Variants in SPDYE4 observed in about 807,000 individuals in gnomAD.
SPDYE4 encodes speedy protein E4.
In SPDYE4, 30 loss-of-function variants were observed where a neutral mutation model predicts 37.5. That is an observed-to-expected ratio of 0.80 (90% CI 0.60 to 1.09). SPDYE4 has a LOEUF of 1.09. Ranked by LOEUF, SPDYE4 falls within the 50% of genes least tolerant of loss-of-function variation. SPDYE4 has a pLI of 0.00. For synonymous variants in SPDYE4, 131 were observed against 120.3 expected (o/e 1.09, Z -0.58); for missense variants, 300 against 307.9 (o/e 0.97, Z 0.19).
In SPDYE4 at chr17:8,753,434, A is replaced by G. The variant is rs1311695438; in HGVS notation, c.541T>C (p.Ser181Pro). ...GAGTAGTTCTTCCCGTAGAGGAAGG[A>G]GAAGATGTCTTGTTTCGGGGCCTGG... The part of the protein sequence containing the change: ...DNQAPKQDIF[S>P]FLYGKNYSQR... Residue 181 changes from serine (S) to proline (P), a missense_variant, in exon 5 of 7, where the codon TCC becomes CCC. Ser to Pro is a moderately conservative substitution (Grantham distance 74). Coordinates refer to ENST00000689094, the MANE Select transcript of SPDYE4 (RefSeq NM_001394956.1). 2 of 1,611,412 alleles carry G rather than the reference A, an allele frequency of 1.2e-6. No individual in the cohort carries two copies. Among genetic ancestry groups the G allele is most frequent in the African/African-American group, 1.3e-5 (1 of 74,890 alleles).
At chr17:8,756,531 G>T in intron 2 of SPDYE4, 95 bp from the exon 3 acceptor site, 1 of 1,260,628 alleles carries the variant, frequency 7.9e-7, no homozygotes, top group Non-Finnish European at 1.1e-6. Context: ...TCTGGGGGAA[G>T]TCTCAGGATT....
chr17:8,756,290 GAGGA>G, intron 3 of SPDYE4, 84 bp downstream of exon 3: 5 of 1,239,854 alleles, frequency 4.0e-6, no homozygotes, highest in South Asian at 1.3e-5. Flanking sequence ...TAGAGGGAGA[GAGGA>G]GAGAAACTGT....
chr17:8,749,985 A>C (rs9902126), downstream of SPDYE4, among the ~76,000 whole-genome samples: 73,593 of 151,376 alleles, frequency 0.49, 19,093 homozygotes, highest in African/African-American at 0.68. Context: ...GCAACCTCCT[A>C]CTCCTTATCT....
Position 8,751,108 on chromosome 17 carries a change from T to C in SPDYE4, c.*1174A>G, listed in dbSNP as rs767647784. Among the ~76,000 whole-genome samples the C allele has an allele frequency of 2.0e-4, 31 of 152,220 alleles. No homozygotes were observed. Among genetic ancestry groups the C allele is most frequent in the Admixed American group, 4.6e-4 (7 of 15,282 alleles). On this transcript the variant is annotated 3_prime_UTR_variant, in exon 7 of 7. Transcript: ENST00000689094. ...CACCTAGCTATAAATAGAATAGATA[T>C]ATTATGTAACTACTCTAGGTCATAA...
intron 2 of SPDYE4, 42 bp from the exon 3 acceptor site, chr17:8,756,478 G>A (rs772573743): frequency 6.3e-7 from 1 of 1,589,442 alleles, no homozygotes; most frequent in Non-Finnish European, 8.6e-7. Flanking sequence ...AGTGGAACAG[G>A]GTTGCCGTGG....
At position 8,754,636 on chromosome 17, in the gene SPDYE4, C is replaced by T. The variant is rs796110001; in HGVS notation, c.485+884G>A. Among the ~76,000 whole-genome samples the T allele has an allele frequency of 3.0e-4, 46 of 152,286 alleles. 1 individual carries two copies. The highest frequency in any genetic ancestry group is 1.0e-3 in the African/African-American group (42 of 41,546). ...AGACCCTGCCTTCAACAGGGGTCTA[C>T]TCTGATGGGTTTGGGGAAAAGGAGG... On this transcript the variant is annotated intron_variant, in intron 4 of 6. Coordinates refer to ENST00000689094, the MANE Select transcript of SPDYE4 (RefSeq NM_001394956.1).
chr17:8,756,527 G>T, intron 2 of SPDYE4, 91 bp from the exon 3 acceptor site: 2 of 1,264,802 alleles, frequency 1.6e-6, no homozygotes, highest in African/African-American at 1.5e-5. Flanking sequence ...TCCCTCTGGG[G>T]GAAGTCTCAG....
In SPDYE4 at chr17:8,758,330, C is replaced by G. The variant is rs779533365; in HGVS notation, c.53G>C (p.Ser18Thr). The change falls in exon 1 of 7, where the codon AGC becomes ACC. Residue 18 changes from serine to threonine, a missense_variant. By Grantham distance (58) the Ser-to-Thr change is moderately conservative (BLOSUM62 1). Coordinates refer to ENST00000689094, the MANE Select transcript of SPDYE4 (RefSeq NM_001394956.1). Reference protein sequence around the residue: ...PPFEEESPQPSTTVRSPEVVV... With the variant: ...PPFEEESPQPTTTVRSPEVVV... The stretch of plus-strand genomic sequence containing the variant: ...CACCTCGGGGGACCGTACCGTTGTG[C>G]TAGGCTGGGGGCTCTCCTCCTCAAA... 1.3e-6 allele frequency: 2 copies of G among 1,551,332 alleles called. No individual in the cohort carries two copies. The highest frequency in any genetic ancestry group is 1.2e-5 in the South Asian group (1 of 83,968).
At chr17:8,750,778 A>G (rs187815052), downstream of SPDYE4, among the ~76,000 whole-genome samples, 181 of 152,368 alleles carry the variant, frequency 1.2e-3, no homozygotes, top group Middle Eastern at 3.4e-3. Flanking sequence ...TTGTTCAAAT[A>G]ACTAAAACCG....
At chr17:8,749,043 C>G (rs943958236), downstream of SPDYE4, among the ~76,000 whole-genome samples, 5 of 152,012 alleles carry the variant, frequency 3.3e-5, no homozygotes, top group Non-Finnish European at 5.9e-5. Context: ...TACCCTGTGA[C>G]TACATCATTG....
downstream of SPDYE4, among the ~76,000 whole-genome samples, chr17:8,750,664 T>C (rs1465555949): frequency 6.6e-6 from 1 of 152,134 alleles, no homozygotes; most frequent in African/African-American, 2.4e-5. Context: ...GAGCTGAGAT[T>C]GCGCCACTGC....
At chr17:8,754,362 C>T (rs1465483987) in intron 4 of SPDYE4, among the ~76,000 whole-genome samples, 1 of 152,188 alleles carries the variant, frequency 6.6e-6, no homozygotes, top group African/African-American at 2.4e-5. Context: ...AGGTGAGAAC[C>T]CAGGAGTTCC....
chr17:8,755,639 G>T, intron 3 of SPDYE4, 34 bp from the exon 4 acceptor site: 2 of 1,605,278 alleles, frequency 1.2e-6, no homozygotes, highest in Non-Finnish European at 1.7e-6. Context: ...AGAGAGAAAG[G>T]TTGGTCACAT....
intron 3 of SPDYE4, 144 bp from the exon 4 acceptor site, chr17:8,755,749 G>T: frequency 2.7e-6 from 3 of 1,094,688 alleles, no homozygotes; most frequent in Non-Finnish European, 4.0e-6. Flanking sequence ...CTCATTGGGG[G>T]CTTGCGGGTG....
intron 1 of SPDYE4, among the ~76,000 whole-genome samples, chr17:8,757,715 A>G (rs1333315800): frequency 6.6e-6 from 1 of 151,484 alleles, no homozygotes; most frequent in Non-Finnish European, 1.5e-5. Context: ...CTCATCACAG[A>G]TAAGAACTTT....
In SPDYE4 at chr17:8,757,726, C is replaced by T. The variant is rs569573803; in HGVS notation, c.110-234G>A. On this transcript the variant is annotated intron_variant, in intron 1 of 6. Coordinates refer to ENST00000689094, the MANE Select transcript of SPDYE4 (RefSeq NM_001394956.1). ...TTTCCTCATCACAGATAAGAACTTT[C>T]AATTGGAGAAAAATGGAAACCTTCC... Among the ~76,000 whole-genome samples, 22 of 151,992 alleles carry T rather than the reference C, an allele frequency of 1.4e-4. No homozygotes were observed. In the South Asian group the frequency reaches 4.6e-3, roughly 32 times the overall value.
intron 4 of SPDYE4, among the ~76,000 whole-genome samples, chr17:8,755,134 T>C (rs2086761205): frequency 6.6e-6 from 1 of 152,170 alleles, no homozygotes; most frequent in South Asian, 2.1e-4. Context: ...ATCTGTGTTA[T>C]GCGAGGACGA....
At position 8,756,406 on chromosome 17, in the gene SPDYE4, C is replaced by T; in HGVS notation, c.371G>A (p.Trp124Ter). The change falls in exon 3 of 7, where the codon TGG becomes TAG. Residue 124 changes from tryptophan to a stop codon, truncating the protein, a stop_gained. Transcript: ENST00000689094. LOFTEE classifies it high-confidence loss of function. ...GTCTGACACCCTCAGGTCTTTGTCC[C>T]AGGCCAGGAATTTTTGAACGACAGG... Reference protein sequence around the residue: ...GDPVVQKFLAWDKDLRVSDKY... With the variant: ...GDPVVQKFLA 2 of 1,614,002 alleles carry T rather than the reference C, an allele frequency of 1.2e-6. No homozygotes were observed. The highest frequency in any genetic ancestry group is 1.7e-6 in the Non-Finnish European group (2 of 1,179,930).
rs1290620199 is a variant in SPDYE4 at position 8,755,666 on chromosome 17, G to T, written c.400-61C>A. ...TGGTCACATCCTGGAAGAGGAAGAT[G>T]GTGGAGAGAAGGGAACAGGGGCTGG... is the stretch of plus-strand genomic sequence containing the variant. On this transcript the variant is annotated intron_variant, in intron 3 of 6. Transcript: ENST00000689094. 3 of 1,573,586 alleles carry T rather than the reference G, an allele frequency of 1.9e-6. No homozygotes were observed. The East Asian group carries it at 6.7e-5, about 35-fold the overall frequency.
Sources: allele counts gnomAD v4.1 joint callset (sites outside exome capture counted in the v4.1 genomes callset), GRCh38; gene constraint gnomAD v4.1.1; transcripts MANE v1.5; gene names NCBI Gene and HGNC (gene_info 2026-07-23, HGNC 2026-07-21).